The following CELF2 variants were observed in gnomAD, a reference collection of about 807,000 sequenced individuals.
CELF2 encodes CUGBP Elav-like family member 2.
CELF2 carries 8 observed loss-of-function variants against 62.6 expected under a neutral mutation model. The ratio of observed to expected loss-of-function variants is 0.13; its 90% CI spans 0.07 to 0.23. The LOEUF is 0.23. Ranked by LOEUF, CELF2 falls within the 10% of genes least tolerant of loss-of-function variation. The pLI is 1.00. For missense variants in CELF2, 333 were observed against 671.0 expected, an observed-to-expected ratio of 0.50 and a Z score of 5.56; for synonymous variants, 258 against 250.0, an observed-to-expected ratio of 1.03 and a Z score of -0.30.
chr10:11,062,871 C>G (rs755133220), intron 1 of CELF2, among the ~76,000 whole-genome samples: 5 of 152,070 alleles, frequency 3.3e-5, no homozygotes, highest in African/African-American at 4.8e-5. Flanking sequence ...AAAATTTTCC[C>G]TGAGTCAGTC....
chr10:11,123,991 G>A (rs1288327846), intron 1 of CELF2, among the ~76,000 whole-genome samples: 1 of 152,154 alleles, frequency 6.6e-6, no homozygotes, highest in Non-Finnish European at 1.5e-5. Flanking sequence ...CACAATCAAG[G>A]CTGAAAGTGA....
chr10:10,902,900 GGAGGGAGGGAGAA>G (rs2063042877), intron 1 of CELF2, among the ~76,000 whole-genome samples: 1 of 144,712 alleles, frequency 6.9e-6, no homozygotes, highest in Non-Finnish European at 1.5e-5. Flanking sequence ...AGGGAAGAAG[GGAGGGAGGGAGAA>G]GAGGGAGGGA....
intron 1 of CELF2, among the ~76,000 whole-genome samples, chr10:10,845,862 T>A (rs1478289938): frequency 6.6e-6 from 1 of 152,176 alleles, no homozygotes; most frequent in African/African-American, 2.4e-5. Context: ...AAGATAGATA[T>A]ATCTGATGCG....
chr10:10,968,213 G>A (rs10082471), intron 2 of CELF2, among the ~76,000 whole-genome samples: 2,237 of 152,122 alleles, frequency 0.015, 63 homozygotes, highest in African/African-American at 0.051. Flanking sequence ...AATTGACAGC[G>A]CATCTTTTTT....
chr10:11,241,850 C>T (rs1255006453), intron 3 of CELF2, among the ~76,000 whole-genome samples: 1 of 152,070 alleles, frequency 6.6e-6, no homozygotes, highest in East Asian at 1.9e-4. Context: ...TGATGGGCCT[C>T]CAGTTGGTGG....
At chr10:10,684,767 A>G in the CELF2 span, among the ~76,000 whole-genome samples, 1 of 152,134 alleles carries the variant, frequency 6.6e-6, no homozygotes. Context: ...AAAAATTGCA[A>G]CAAGAGCTTT....
chr10:10,742,974 CTT>C, the CELF2 span, among the ~76,000 whole-genome samples: 2 of 152,250 alleles, frequency 1.3e-5, no homozygotes, highest in Non-Finnish European at 2.9e-5. Flanking sequence ...GCATTTCTGT[CTT>C]TGCTTTCCTG....
At chr10:10,900,962 G>A (rs183561268) in intron 1 of CELF2, among the ~76,000 whole-genome samples, 120 of 152,240 alleles carry the variant, frequency 7.9e-4, no homozygotes, top group African/African-American at 2.7e-3. Context: ...TTAAGCCTTG[G>A]GGGATAAATC....
chr10:11,168,583 T>A (rs534303996), intron 2 of CELF2, among the ~76,000 whole-genome samples: 1 of 152,350 alleles, frequency 6.6e-6, no homozygotes, highest in South Asian at 2.1e-4. Context: ...AGGGCTGATA[T>A]CAGAGCCTCA....
chr10:10,508,122 A>C, the CELF2 span, among the ~76,000 whole-genome samples: 1 of 152,056 alleles, frequency 6.6e-6, no homozygotes, highest in Non-Finnish European at 1.5e-5. Context: ...ACTGGTTTAT[A>C]CTGGAACTCC....
At chr10:10,895,247 T>C (rs1303850124) in intron 1 of CELF2, among the ~76,000 whole-genome samples, 1 of 152,210 alleles carries the variant, frequency 6.6e-6, no homozygotes, top group Non-Finnish European at 1.5e-5. Flanking sequence ...GTAAGAAATA[T>C]TCACCATCTT....
At chr10:11,171,187 C>T (rs1565070268) in intron 2 of CELF2, 1 of 152,194 alleles carries the variant, frequency 6.6e-6, no homozygotes, top group African/African-American at 2.4e-5. Flanking sequence ...AACTGCATCG[C>T]AACAGTACTG....
chr10:11,166,313 C>A (rs887941636), intron 2 of CELF2, among the ~76,000 whole-genome samples: 1 of 152,112 alleles, frequency 6.6e-6, no homozygotes, highest in African/African-American at 2.4e-5. Flanking sequence ...GGGTTACGCC[C>A]TTATCAGTGT....
At chr10:10,647,640 G>T in the CELF2 span, among the ~76,000 whole-genome samples, 1 of 152,174 alleles carries the variant, frequency 6.6e-6, no homozygotes, top group Non-Finnish European at 1.5e-5. Context: ...CCTCTGTGAC[G>T]TGATGGAGCA....
At chr10:10,789,402 A>G in the CELF2 span, among the ~76,000 whole-genome samples, 1 of 152,200 alleles carries the variant, frequency 6.6e-6, no homozygotes, top group Admixed American at 6.5e-5. Context: ...AAATTATTAG[A>G]TACTAAGTTG....
chr10:11,273,723 GTTTT>G (rs201074010), intron 7 of CELF2, among the ~76,000 whole-genome samples: 1 of 134,392 alleles, frequency 7.4e-6, no homozygotes, highest in African/African-American at 2.9e-5. Flanking sequence ...TTGTTTTTTT[GTTTT>G]TTTGTTTTTT....
At position 11,296,056 on chromosome 10, in the gene CELF2, A is replaced by G. The variant is rs182267898; in HGVS notation, c.976+7504A>G. The stretch of plus-strand genomic sequence containing the variant: ...ATATTTACGGTTCACCACAGAGCCC[A>G]CGCTGGGATTTATGCAAGTAGATTC... On this transcript the variant is annotated intron_variant, in intron 9 of 12. Coordinates refer to ENST00000633077, the MANE Select transcript of CELF2 (RefSeq NM_001326342.2). The surrounding 1 kb of genome is among the most constrained non-coding windows in gnomAD (Gnocchi z 5.0). Among the ~76,000 whole-genome samples the G allele has an allele frequency of 1.9e-4, 29 of 152,288 alleles. No individual in the cohort carries two copies. The highest frequency in any genetic ancestry group is 3.9e-4 in the Admixed American group (6 of 15,304).
the CELF2 span, among the ~76,000 whole-genome samples, chr10:10,748,555 T>A: frequency 1.3e-5 from 2 of 151,842 alleles, no homozygotes; most frequent in East Asian, 3.9e-4. Flanking sequence ...GAGACCATCC[T>A]GGCTAGCACA....
intron 1 of CELF2, among the ~76,000 whole-genome samples, chr10:11,144,326 A>G (rs968638334): frequency 1.3e-5 from 2 of 152,188 alleles, no homozygotes; most frequent in African/African-American, 4.8e-5. Context: ...GTTCGATATT[A>G]TATTAATCAA....
Sources: gnomAD v4.1 joint callset for allele counts (sites outside exome capture counted in the v4.1 genomes callset) on GRCh38, gnomAD v4.1.1 for gene constraint, Gnocchi (gnomAD v3.1) non-coding constraint, MANE v1.5 for transcripts, NCBI Gene and HGNC (gene_info 2026-07-23, HGNC 2026-07-21) for gene names.